The following VTI1A variants were observed in gnomAD, a reference collection of about 807,000 sequenced individuals.
The protein encoded by VTI1A is vesicle transport through interaction with t-SNAREs 1A, also known as vesicle transport through interaction with t-SNAREs homolog 1A.
VTI1A carries 22 observed loss-of-function variants against 34.9 expected under a neutral mutation model. The observed-to-expected ratio is 0.63, with a 90% CI of 0.45 to 0.90. The LOEUF (loss-of-function observed/expected upper bound fraction) is 0.90. VTI1A is among the 40% of genes least tolerant of loss of function. The pLI, the probability that VTI1A is intolerant of heterozygous loss-of-function variation, is 0.00. For synonymous variants in VTI1A, 87 were observed against 97.3 expected, an observed-to-expected ratio of 0.89 and a Z score of 0.62; for missense variants, 268 against 275.6, an observed-to-expected ratio of 0.97 and a Z score of 0.20.
intron 5 of VTI1A, among the ~76,000 whole-genome samples, chr10:112,545,826 TGTGCGCACGC>T: frequency 6.6e-6 from 1 of 152,290 alleles, no homozygotes; most frequent in South Asian, 2.1e-4. Flanking sequence ...CTCGTGTGTG[TGTGCGCACGC>T]GTGCGCGTGT....
At chr10:112,471,439 A>G (rs774754989) in intron 3 of VTI1A, among the ~76,000 whole-genome samples, 8 of 148,924 alleles carry the variant, frequency 5.4e-5, no homozygotes, top group Non-Finnish European at 1.2e-4. Flanking sequence ...GTAGCCTCAA[A>G]GGAAGTTAGG....
the VTI1A span, among the ~76,000 whole-genome samples, chr10:112,837,101 T>A: frequency 1.3e-5 from 2 of 152,130 alleles, no homozygotes; most frequent in Non-Finnish European, 2.9e-5. Context: ...GGCAGGCGGA[T>A]CACGAGGTCA....
chr10:112,456,482 C>T (rs1847531339), intron 1 of VTI1A, among the ~76,000 whole-genome samples: 1 of 151,516 alleles, frequency 6.6e-6, no homozygotes, highest in African/African-American at 2.4e-5. Context: ...CCGTTGTACC[C>T]CCTAGAGCCG....
At chr10:112,609,908 C>T (rs1176995119) in intron 5 of VTI1A, among the ~76,000 whole-genome samples, 1 of 152,016 alleles carries the variant, frequency 6.6e-6, no homozygotes, top group Admixed American at 6.6e-5. Context: ...CTGAATCTCA[C>T]TTTTAAAAGG....
At chr10:112,700,094 G>T (rs977782825) in intron 7 of VTI1A, among the ~76,000 whole-genome samples, 1 of 146,286 alleles carries the variant, frequency 6.8e-6, no homozygotes, top group Non-Finnish European at 1.5e-5. Context: ...CTCCAGCCTG[G>T]GTAACAGAGC....
chr10:112,471,733 A>G (rs901703401), intron 3 of VTI1A, among the ~76,000 whole-genome samples: 9 of 152,126 alleles, frequency 5.9e-5, no homozygotes, highest in African/African-American at 1.4e-4. Flanking sequence ...TCTTCCTTCA[A>G]CATTGATATG....
At chr10:112,583,214 C>T (rs1388550207) in intron 5 of VTI1A, among the ~76,000 whole-genome samples, 1 of 152,172 alleles carries the variant, frequency 6.6e-6, no homozygotes, top group Non-Finnish European at 1.5e-5. Context: ...ATAATAACAG[C>T]AGAGGATTTG....
chr10:112,568,663 A>G (rs191964992), intron 5 of VTI1A, among the ~76,000 whole-genome samples: 30 of 152,352 alleles, frequency 2.0e-4, no homozygotes, highest in Non-Finnish European at 3.8e-4. Context: ...GTCTTATCCT[A>G]TAACAATCAC....
chr10:112,697,703 T>C (rs546497274), intron 7 of VTI1A, among the ~76,000 whole-genome samples: 3 of 152,208 alleles, frequency 2.0e-5, no homozygotes, highest in Non-Finnish European at 4.4e-5. Context: ...GCCTTGTTCT[T>C]GGTATTTTTA....
In VTI1A at chr10:112,447,424, A is replaced by C; in HGVS notation, c.51A>C (p.Ala17=). The part of the protein sequence containing the change: ...GYEQDFAVLT[A]EITSKIARVP... ...AGCAGGACTTCGCGGTGCTCACTGC[A>C]GAGATCACCAGCAAGATTGCGAGGG... The change falls in exon 1 of 8, where the codon GCA becomes GCC. Residue 17 remains alanine (A), a synonymous_variant. Transcript: ENST00000393077. 1 of 1,613,732 alleles carries C rather than the reference A, an allele frequency of 6.2e-7. No homozygotes were observed. Among genetic ancestry groups the C allele is most frequent in the South Asian group, 1.1e-5 (1 of 91,042 alleles).
At chr10:112,537,311 G>GTGTATATATATATATATATATATATATA (rs1419438697) in intron 4 of VTI1A, among the ~76,000 whole-genome samples, 4 of 65,278 alleles carry the variant, frequency 6.1e-5, no homozygotes, top group Non-Finnish European at 1.1e-4. Flanking sequence ...AAGTATCTAG[G>GTGTATATATATATATATATATATATATA]TATATATATA....
At chr10:112,625,111 A>C (rs1055467012) in intron 5 of VTI1A, among the ~76,000 whole-genome samples, 2 of 152,166 alleles carry the variant, frequency 1.3e-5, no homozygotes, top group African/African-American at 2.4e-5. Context: ...AAAATAAAAA[A>C]AGTATTTTGT....
intron 7 of VTI1A, among the ~76,000 whole-genome samples, chr10:112,753,252 G>GT (rs1851167338): frequency 6.6e-6 from 1 of 151,120 alleles, no homozygotes; most frequent in South Asian, 2.1e-4. Flanking sequence ...AAACAGCCAA[G>GT]AAACTTTACT....
chr10:112,597,944 G>A (rs964874253), intron 5 of VTI1A, among the ~76,000 whole-genome samples: 1 of 151,692 alleles, frequency 6.6e-6, no homozygotes, highest in Non-Finnish European at 1.5e-5. Context: ...TGATCCGCCC[G>A]CCTCTGCCTC....
rs1017806730 is a variant in VTI1A, at chr10:112,818,238, C to A, written c.*2855C>A. Reference sequence around the variant, plus strand: ...AACAAAATTGTGCGGCTCTGGCCATCCCATGCGGGGCAAGCCCATTGAGGG... The same window carrying A: ...AACAAAATTGTGCGGCTCTGGCCATACCATGCGGGGCAAGCCCATTGAGGG... On this transcript the variant is annotated 3_prime_UTR_variant, in exon 8 of 8. Transcript: ENST00000393077. The A allele has an allele frequency of 4.3e-6, 1 of 233,150 alleles. No homozygotes were observed. The highest frequency in any genetic ancestry group is 8.5e-6 in the Non-Finnish European group (1 of 117,794). The allele number at this position is 233,150 out of a possible 1,614,324, so 14.4% of individuals were successfully genotyped here.
intron 7 of VTI1A, among the ~76,000 whole-genome samples, chr10:112,684,690 C>T (rs192935046): frequency 7.2e-5 from 11 of 152,264 alleles, no homozygotes; most frequent in East Asian, 5.8e-4. Context: ...CGGCCCATCT[C>T]GGCCTCCCAA....
At chr10:112,781,194 C>T (rs1376503791) in intron 7 of VTI1A, among the ~76,000 whole-genome samples, 1 of 152,084 alleles carries the variant, frequency 6.6e-6, no homozygotes, top group African/African-American at 2.4e-5. Context: ...GTCTACCCGC[C>T]TCGGCCTCCC....
intron 7 of VTI1A, among the ~76,000 whole-genome samples, chr10:112,702,608 C>T (rs1015332676): frequency 2.0e-5 from 3 of 151,048 alleles, no homozygotes; most frequent in Non-Finnish European, 4.4e-5. Context: ...TTTCTTTGAG[C>T]CAGAGTCTCA....
intron 7 of VTI1A, among the ~76,000 whole-genome samples, chr10:112,705,378 G>T (rs1003013919): frequency 1.3e-5 from 2 of 152,136 alleles, no homozygotes; most frequent in Non-Finnish European, 2.9e-5. Flanking sequence ...CAGGCAGTCA[G>T]ACTGTTCTGG....
Sources: gnomAD v4.1 joint callset for allele counts (sites outside exome capture counted in the v4.1 genomes callset) on GRCh38, gnomAD v4.1.1 for gene constraint, MANE v1.5 for transcripts, NCBI Gene and HGNC (gene_info 2026-07-23, HGNC 2026-07-21) for gene names.